NCKAP5: variants seen among roughly 807,000 people sequenced by gnomAD.
NCKAP5 encodes the protein NCK associated protein 5, also known as nck-associated protein 5.
A neutral mutation model predicts 167.0 loss-of-function variants in NCKAP5; 92 were observed. That is an observed-to-expected ratio of 0.55 (90% CI 0.47 to 0.66). The LOEUF (loss-of-function observed/expected upper bound fraction) is 0.66, where lower values mean the gene tolerates loss of function less well. Ranked by LOEUF, NCKAP5 falls within the 30% of genes least tolerant of loss-of-function variation. The pLI, the probability that NCKAP5 is intolerant of heterozygous loss-of-function variation, is 0.00. For missense variants in NCKAP5, 2,378 were observed against 2,315.0 expected, an observed-to-expected ratio of 1.03 and a Z score of -0.56; for synonymous variants, 891 against 877.4, an observed-to-expected ratio of 1.02 and a Z score of -0.27.
At chr2:133,486,975 C>T (rs1680959980) in intron 3 of NCKAP5, among the ~76,000 whole-genome samples, 1 of 152,124 alleles carries the variant, frequency 6.6e-6, no homozygotes, top group South Asian at 2.1e-4. Flanking sequence ...GTATGAATCG[C>T]ACCCTGGAAA....
chr2:133,514,401 C>T (rs946831997), intron 3 of NCKAP5, among the ~76,000 whole-genome samples: 1 of 152,118 alleles, frequency 6.6e-6, no homozygotes, highest in African/African-American at 2.4e-5. Flanking sequence ...GACTAAGGAC[C>T]ACAAACTTGT....
intron 6 of NCKAP5, among the ~76,000 whole-genome samples, chr2:133,113,168 C>G (rs2081969670): frequency 6.6e-6 from 1 of 151,780 alleles, no homozygotes; most frequent in African/African-American, 2.4e-5. Flanking sequence ...GCTCAGAATC[C>G]TCTCTTCCCC....
chr2:133,204,988 T>G (rs1200576815), intron 5 of NCKAP5, among the ~76,000 whole-genome samples: 1 of 152,196 alleles, frequency 6.6e-6, no homozygotes, highest in African/African-American at 2.4e-5. Context: ...TATCATTTAC[T>G]ATATAAATTG....
the NCKAP5 span, among the ~76,000 whole-genome samples, chr2:133,642,428 A>G: frequency 6.6e-6 from 1 of 152,336 alleles, no homozygotes; most frequent in South Asian, 2.1e-4. Flanking sequence ...ATGAACATAT[A>G]GAAAGCCTTG....
chr2:133,438,248 G>A (rs1690619034), intron 3 of NCKAP5, among the ~76,000 whole-genome samples: 1 of 152,196 alleles, frequency 6.6e-6, no homozygotes, highest in Admixed American at 6.5e-5. Flanking sequence ...ACAAATGAAT[G>A]CTCTTGCCAA....
chr2:132,856,123 A>G (rs1411727651), intron 11 of NCKAP5, among the ~76,000 whole-genome samples: 1 of 152,184 alleles, frequency 6.6e-6, no homozygotes, highest in Non-Finnish European at 1.5e-5. Context: ...CTGATACTAC[A>G]TGAACTCCAG....
chr2:133,320,737 CA>C (rs202192425), intron 3 of NCKAP5, among the ~76,000 whole-genome samples: 3 of 150,590 alleles, frequency 2.0e-5, no homozygotes, highest in South Asian at 2.1e-4. Context: ...AACAAACAAA[CA>C]AAAAAAAAGA....
At chr2:133,106,649 T>C (rs1020404252) in intron 6 of NCKAP5, among the ~76,000 whole-genome samples, 6 of 152,154 alleles carry the variant, frequency 3.9e-5, no homozygotes, top group Non-Finnish European at 8.8e-5. Context: ...TTGAATGCTA[T>C]TGGGAAGTGG....
chr2:133,033,757 T>C (rs929709609), intron 6 of NCKAP5, among the ~76,000 whole-genome samples: 4 of 151,846 alleles, frequency 2.6e-5, no homozygotes, highest in Non-Finnish European at 5.9e-5. Flanking sequence ...AACAGCAGAA[T>C]TGGTCAAGCA....
the NCKAP5 span, among the ~76,000 whole-genome samples, chr2:133,575,727 C>T: frequency 6.6e-6 from 1 of 152,328 alleles, no homozygotes; most frequent in African/African-American, 2.4e-5. Flanking sequence ...ATCCTACCAG[C>T]CCTCTCCTAC....
At chr2:132,796,246 G>GA (rs1558791450) in intron 12 of NCKAP5, among the ~76,000 whole-genome samples, 2 of 151,568 alleles carry the variant, frequency 1.3e-5, no homozygotes, top group Admixed American at 6.6e-5. Context: ...CCCAGCTAGA[G>GA]AAAAAAAATG....
At chr2:133,624,144 A>G in the NCKAP5 span, among the ~76,000 whole-genome samples, 14,172 of 151,944 alleles carry the variant, frequency 0.093, 762 homozygotes, top group African/African-American at 0.12. Context: ...AGGGTGGGGG[A>G]TGGTGAGGGA....
intron 6 of NCKAP5, among the ~76,000 whole-genome samples, chr2:133,111,713 T>C (rs10187023): frequency 0.18 from 26,737 of 152,152 alleles, 2,769 homozygotes; most frequent in East Asian, 0.51. Flanking sequence ...GTAGGCAACA[T>C]CCAGATAGCT....
At chr2:133,106,953 G>A (rs1470145158) in intron 6 of NCKAP5, among the ~76,000 whole-genome samples, 2 of 152,108 alleles carry the variant, frequency 1.3e-5, no homozygotes, top group South Asian at 2.1e-4. Flanking sequence ...GTATGACAAC[G>A]TCTCCCTTCT....
intron 8 of NCKAP5, among the ~76,000 whole-genome samples, chr2:132,947,865 T>G (rs1031325133): frequency 1.3e-5 from 2 of 152,324 alleles, no homozygotes; most frequent in Admixed American, 1.3e-4. Context: ...TGAAGTCTTA[T>G]GAGAATTGCC....
chr2:133,594,182 C>T, the NCKAP5 span, among the ~76,000 whole-genome samples: 6 of 152,186 alleles, frequency 3.9e-5, no homozygotes, highest in African/African-American at 1.4e-4. Context: ...TCATTGCAGC[C>T]GTGGGACTCT....
chr2:133,351,516 AC>A (rs1199557464), intron 3 of NCKAP5, among the ~76,000 whole-genome samples: 2 of 152,212 alleles, frequency 1.3e-5, no homozygotes, highest in Admixed American at 6.5e-5. Flanking sequence ...CTTAACACAC[AC>A]ATCATTAGGT....
chr2:133,638,626 G>C, the NCKAP5 span, among the ~76,000 whole-genome samples: 22 of 152,162 alleles, frequency 1.4e-4, no homozygotes, highest in Non-Finnish European at 3.2e-4. Flanking sequence ...TTAGGAGGCT[G>C]AGGTGGGCGG....
chr2:133,244,113 T>C (rs2087860926), intron 4 of NCKAP5, among the ~76,000 whole-genome samples: 1 of 152,226 alleles, frequency 6.6e-6, no homozygotes, highest in African/African-American at 2.4e-5. Context: ...TTTCTAGATT[T>C]ATTCATTGTT....
Sources: allele counts gnomAD v4.1 joint callset (sites outside exome capture counted in the v4.1 genomes callset), GRCh38; gene constraint gnomAD v4.1.1; transcripts MANE v1.5; gene names NCBI Gene and HGNC (gene_info 2026-07-23, HGNC 2026-07-21).